TUSC3: variants seen among roughly 807,000 people sequenced by gnomAD.
The protein encoded by TUSC3 is tumor suppressor candidate 3, also known as dolichyl-diphosphooligosaccharide--protein glycosyltransferase subunit TUSC3.
In TUSC3, 45 loss-of-function variants were observed where a neutral mutation model predicts 44.8. The observed-to-expected ratio is 1.00, with a 90% CI of 0.79 to 1.29. TUSC3 has a LOEUF of 1.29. TUSC3 is among the 50% of genes most tolerant of loss of function. TUSC3 has a pLI of 0.00. For missense variants in TUSC3, 519 were observed against 437.9 expected (o/e 1.19, Z -1.65); for synonymous variants, 212 against 152.9 (o/e 1.39, Z -2.85).
At chr8:15,847,732 T>A in the TUSC3 span, among the ~76,000 whole-genome samples, 1 of 152,136 alleles carries the variant, frequency 6.6e-6, no homozygotes, top group African/African-American at 2.4e-5. Context: ...TATATACAAA[T>A]TATGGATCTC....
intron 3 of TUSC3, among the ~76,000 whole-genome samples, chr8:15,658,390 G>A (rs879798909): frequency 1.3e-5 from 2 of 151,962 alleles, no homozygotes; most frequent in Non-Finnish European, 2.9e-5. Flanking sequence ...GACCTGTTTT[G>A]GTCTTGACTG....
At chr8:15,768,817 C>T (rs1812393879), downstream of TUSC3, among the ~76,000 whole-genome samples, 1 of 152,118 alleles carries the variant, frequency 6.6e-6, no homozygotes. Context: ...CATGAGTGAA[C>T]TCCCATTCAC....
At chr8:15,750,231 G>A (rs758470230) in intron 9 of TUSC3, among the ~76,000 whole-genome samples, 3 of 151,794 alleles carry the variant, frequency 2.0e-5, no homozygotes, top group South Asian at 2.1e-4. Context: ...CACCCACCTC[G>A]GCCTCCCAAA....
intron 1 of TUSC3, among the ~76,000 whole-genome samples, chr8:15,457,676 C>G (rs935268978): frequency 6.0e-5 from 9 of 149,180 alleles, no homozygotes; most frequent in African/African-American, 2.2e-4. Flanking sequence ...ATATAAACAG[C>G]ATTGCATTCA....
At chr8:15,492,153 C>G (rs1189922459) in intron 2 of TUSC3, among the ~76,000 whole-genome samples, 1 of 152,152 alleles carries the variant, frequency 6.6e-6, no homozygotes, top group Non-Finnish European at 1.5e-5. Flanking sequence ...AGTTAGTTGA[C>G]CAGGCTATAG....
rs185920177 is a variant in TUSC3, at chr8:15,687,920, A to G, written c.798+14084A>G. 7.2e-5 allele frequency among the ~76,000 whole-genome samples: 11 copies of G among 152,332 alleles called. No individual in the cohort carries two copies. The East Asian group carries it at 9.6e-4, about 13-fold the overall frequency. Reference sequence around the variant, plus strand: ...ATGCACAGAGGGATTATGGAACTGCATAATGAGAATGTGTTTTAATATGTC... The same window carrying G: ...ATGCACAGAGGGATTATGGAACTGCGTAATGAGAATGTGTTTTAATATGTC... On this transcript the variant is annotated intron_variant, in intron 6 of 10. Coordinates refer to ENST00000503731, the MANE Select transcript of TUSC3 (RefSeq NM_006765.4).
In TUSC3 at chr8:15,540,375, G is replaced by A. The variant is rs1287011749; in HGVS notation, c.-56G>A. 8 of 1,473,442 alleles carry A rather than the reference G, an allele frequency of 5.4e-6. No homozygotes were observed. The East Asian group carries it at 8.6e-5, about 16-fold the overall frequency. 91.3% of individuals were successfully genotyped at this position (1,473,442 alleles called of 1,614,324 possible). Reference sequence around the variant, plus strand: ...GGCTGGCCGGGCAGGCGTGGTGCGCGGTAGGAGCTGGGCGCGCACGGCTAC... The same window carrying A: ...GGCTGGCCGGGCAGGCGTGGTGCGCAGTAGGAGCTGGGCGCGCACGGCTAC... On this transcript the variant is annotated 5_prime_UTR_variant, in exon 1 of 11. Coordinates refer to ENST00000503731, the MANE Select transcript of TUSC3 (RefSeq NM_006765.4).
At chr8:15,492,684 C>G (rs1800824108) in intron 2 of TUSC3, among the ~76,000 whole-genome samples, 1 of 151,930 alleles carries the variant, frequency 6.6e-6, no homozygotes, top group Admixed American at 6.6e-5. Context: ...CACCTGTAAT[C>G]CCAGCTCTTA....
chr8:15,696,539 T>C (rs1352714894), intron 6 of TUSC3, among the ~76,000 whole-genome samples: 2 of 152,046 alleles, frequency 1.3e-5, no homozygotes, highest in East Asian at 1.9e-4. Flanking sequence ...CTCGTAGAGA[T>C]GTGAGAAGAG....
At chr8:15,805,868 A>G in the TUSC3 span, among the ~76,000 whole-genome samples, 1 of 151,878 alleles carries the variant, frequency 6.6e-6, no homozygotes, top group African/African-American at 2.4e-5. Context: ...ATTTTTTTGG[A>G]ATAGTTTCAG....
chr8:15,479,127 T>C (rs1800623887), intron 1 of TUSC3, among the ~76,000 whole-genome samples: 1 of 152,122 alleles, frequency 6.6e-6, no homozygotes, highest in Admixed American at 6.6e-5. Flanking sequence ...TTTAATGGGG[T>C]TGTTTGATTT....
At chr8:15,430,954 A>G (rs894108279) in intron 1 of TUSC3, among the ~76,000 whole-genome samples, 8 of 151,634 alleles carry the variant, frequency 5.3e-5, no homozygotes, top group Non-Finnish European at 8.8e-5. Context: ...TCCTTTCCCC[A>G]TTGTAATTAT....
intron 1 of TUSC3, 112 bp downstream of exon 1, chr8:15,540,680 T>G: frequency 2.2e-6 from 3 of 1,352,616 alleles, no homozygotes; most frequent in East Asian, 2.8e-5. Context: ...GCGTGGGCGA[T>G]GCCGGCGCTG....
chr8:15,587,638 C>T (rs1014723417), intron 1 of TUSC3, among the ~76,000 whole-genome samples: 3 of 151,970 alleles, frequency 2.0e-5, no homozygotes, highest in Non-Finnish European at 2.9e-5. Context: ...CTGTATTTAC[C>T]TTACAGTGCT....
intron 2 of TUSC3, among the ~76,000 whole-genome samples, chr8:15,504,597 ATATATATATATATATATATATATATTTT>A (rs1801020634): frequency 4.2e-5 from 1 of 23,874 alleles, no homozygotes; most frequent in South Asian, 1.3e-3. Flanking sequence ...ATATATATAT[ATATATATATATATATATATATATATTTT>A]TTTTTTTTTT....
At chr8:15,743,451 C>G in intron 7 of TUSC3, 87 bp from the exon 8 acceptor site, 1 of 1,328,416 alleles carries the variant, frequency 7.5e-7, no homozygotes, top group Non-Finnish European at 1.1e-6. Context: ...TGTAGTTTAA[C>G]CATTCTGGAA....
In TUSC3 at chr8:15,652,200, A is replaced by G. The variant is rs538408277; in HGVS notation, c.426+1386A>G. On this transcript the variant is annotated intron_variant, in intron 3 of 10. Coordinates refer to ENST00000503731, the MANE Select transcript of TUSC3 (RefSeq NM_006765.4). ...TTGATCTTTTCGGGTATCTTGGTCTATCTCACATGTGATACTCTTTGGTAT... is the reference window on the plus strand; with the variant it reads ...TTGATCTTTTCGGGTATCTTGGTCTGTCTCACATGTGATACTCTTTGGTAT... 5.3e-4 allele frequency among the ~76,000 whole-genome samples: 80 copies of G among 152,300 alleles called. 1 individual carries two copies. The highest frequency in any genetic ancestry group is 7.5e-4 in the Non-Finnish European group (51 of 68,018).
At chr8:15,720,199 T>TACACAC (rs1278052451) in intron 6 of TUSC3, among the ~76,000 whole-genome samples, 98 of 100,878 alleles carry the variant, frequency 9.7e-4, no homozygotes, top group African/African-American at 2.1e-3. Context: ...TGTATATATA[T>TACACAC]ATACACACAC....
chr8:15,480,212 C>T (rs151090967), intron 1 of TUSC3, among the ~76,000 whole-genome samples: 2 of 152,270 alleles, frequency 1.3e-5, no homozygotes, highest in South Asian at 2.1e-4. Flanking sequence ...ACTTGCCATG[C>T]TCAAGGATAG....
Sources: gnomAD v4.1 joint callset for allele counts (sites outside exome capture counted in the v4.1 genomes callset) on GRCh38, gnomAD v4.1.1 for gene constraint, MANE v1.5 for transcripts, NCBI Gene and HGNC (gene_info 2026-07-23, HGNC 2026-07-21) for gene names.